The following ANK2 variants were observed in gnomAD, a reference collection of about 807,000 sequenced individuals.
ANK2 encodes ankyrin 2.
ANK2 carries 83 observed loss-of-function variants against 360.5 expected under a neutral mutation model. That is an observed-to-expected ratio of 0.23 (90% CI 0.19 to 0.28). ANK2 has a LOEUF of 0.28. Ranked by LOEUF, ANK2 falls within the 10% of genes least tolerant of loss-of-function variation. The pLI, the probability that ANK2 is intolerant of heterozygous loss-of-function variation, is 1.00. For synonymous variants in ANK2, 1,740 were observed against 1,759.5 expected, an observed-to-expected ratio of 0.99 and a Z score of 0.28; for missense variants, 4,201 against 4,795.7, an observed-to-expected ratio of 0.88 and a Z score of 3.66.
intron 1 of ANK2, among the ~76,000 whole-genome samples, chr4:113,113,983 G>A (rs1423578558): frequency 3.3e-5 from 5 of 152,110 alleles, no homozygotes; most frequent in Non-Finnish European, 5.9e-5. Flanking sequence ...AATCTGCCTA[G>A]CTTTCTTAAA....
At chr4:113,340,848 CAAA>C (rs1224495854) in intron 32 of ANK2, among the ~76,000 whole-genome samples, 1 of 74,156 alleles carries the variant, frequency 1.3e-5, no homozygotes, top group African/African-American at 5.1e-5. Flanking sequence ...GACAACGTCT[CAAA>C]AAAAAAAAAA....
At chr4:112,817,204 A>AT (rs917163893), upstream of ANK2, among the ~76,000 whole-genome samples, 73 of 152,090 alleles carry the variant, frequency 4.8e-4, no homozygotes, top group Middle Eastern at 0.01. Flanking sequence ...ATAAAACCTG[A>AT]TTTTTTTTAC....
intron 20 of ANK2, among the ~76,000 whole-genome samples, chr4:113,289,061 T>G (rs2066200595): frequency 6.6e-6 from 1 of 152,162 alleles, no homozygotes; most frequent in Non-Finnish European, 1.5e-5. Context: ...CATAACACTT[T>G]ACTTCGTGCA....
chr4:113,378,481 C>T (rs1398883622), intron 45 of ANK2, among the ~76,000 whole-genome samples: 1 of 152,186 alleles, frequency 6.6e-6, no homozygotes, highest in African/African-American at 2.4e-5. Context: ...GATGGTATTA[C>T]ATTGTGTCGA....
the ANK2 span, chr4:112,788,992 C>A: frequency 1.8e-6 from 1 of 550,988 alleles, no homozygotes. Context: ...ATTTTTATTT[C>A]CCTCAAAGTG....
chr4:112,791,634 A>G, the ANK2 span, among the ~76,000 whole-genome samples: 1 of 144,224 alleles, frequency 6.9e-6, no homozygotes, highest in Non-Finnish European at 1.5e-5. Context: ...GACTACAGGC[A>G]CCCGCCACCA....
At chr4:113,059,909 T>C (rs1468232596) in intron 1 of ANK2, among the ~76,000 whole-genome samples, 1 of 152,162 alleles carries the variant, frequency 6.6e-6, no homozygotes, top group Non-Finnish European at 1.5e-5. Context: ...GAGCCAGTTA[T>C]CTTCATTTAG....
intron 2 of ANK2, among the ~76,000 whole-genome samples, chr4:113,178,428 C>T (rs539368467): frequency 3.3e-5 from 5 of 151,822 alleles, no homozygotes; most frequent in East Asian, 1.9e-4. Flanking sequence ...AAAAATTAGC[C>T]GGGCGTGGCA....
the ANK2 span, among the ~76,000 whole-genome samples, chr4:112,766,647 T>C: frequency 2.6e-5 from 4 of 152,232 alleles, no homozygotes; most frequent in African/African-American, 9.6e-5. Flanking sequence ...TCAAGGCTTA[T>C]ATCCCTCTAC....
chr4:113,049,645 C>A, upstream of ANK2: 82 of 1,404,674 alleles, frequency 5.8e-5, no homozygotes, highest in East Asian at 2.1e-4. Flanking sequence ...CTCCTGCTTT[C>A]CTCCAGTAAG....
intron 1 of ANK2, among the ~76,000 whole-genome samples, chr4:113,095,986 T>A (rs1178404285): frequency 6.6e-6 from 1 of 152,172 alleles, no homozygotes; most frequent in Non-Finnish European, 1.5e-5. Context: ...TATTGTCTGA[T>A]TAGAACCCTT....
intron 4 of ANK2, 67 bp from the exon 5 acceptor site, chr4:113,232,094 G>A: frequency 1.8e-6 from 2 of 1,137,436 alleles, no homozygotes; most frequent in Non-Finnish European, 2.7e-6. Context: ...TATGTCGAAG[G>A]TTTACTTCCT....
chr4:113,141,483 C>A (rs1249249226), intron 1 of ANK2: 2 of 152,072 alleles, frequency 1.3e-5, no homozygotes, highest in Admixed American at 6.6e-5. Flanking sequence ...GGAAGGGATC[C>A]AACAACCATC....
intron 2 of ANK2, among the ~76,000 whole-genome samples, chr4:112,969,681 G>C (rs2038722045): frequency 6.6e-6 from 1 of 152,148 alleles, no homozygotes; most frequent in African/African-American, 2.4e-5. Flanking sequence ...AAATATTTTA[G>C]GATATCTTGT....
At chr4:112,742,132 A>T in the ANK2 span, among the ~76,000 whole-genome samples, 4 of 152,160 alleles carry the variant, frequency 2.6e-5, no homozygotes, top group Admixed American at 2.0e-4. Context: ...TTAAAAAAAA[A>T]TTAGCTGGGC....
intron 1 of ANK2, among the ~76,000 whole-genome samples, chr4:112,904,141 ATC>A (rs2084404246): frequency 6.6e-6 from 1 of 152,174 alleles, no homozygotes; most frequent in African/African-American, 2.4e-5. Context: ...AGTAAACATA[ATC>A]TCTCAAGATT....
rs549835780 is a variant in ANK2 at position 112,964,706 on chromosome 4, A to G, written c.21+60192A>G. 2.0e-5 allele frequency among the ~76,000 whole-genome samples: 3 copies of G among 151,772 alleles called. No individual in the cohort carries two copies. The East Asian group carries it at 5.8e-4, about 30-fold the overall frequency. Reference sequence around the variant, plus strand: ...TGCCTCAGCCTACCGAGTAGCTGGGACTACAGGCGCCCGCCACCACGCCTG... The same window carrying G: ...TGCCTCAGCCTACCGAGTAGCTGGGGCTACAGGCGCCCGCCACCACGCCTG... On this transcript the variant is annotated intron_variant, in intron 2 of 30. Transcript: ENST00000503271.
rs374623728 is a variant in ANK2, at chr4:113,302,875, A to AT, written c.2548+37dup. Reference sequence around the variant, plus strand: ...TATTCAATCTTCTATGACACCTGTCATGTTCTTACACAAGGGCAAATTACC... The same window carrying AT: ...TATTCAATCTTCTATGACACCTGTCATTGTTCTTACACAAGGGCAAATTACC... On this transcript the variant is annotated intron_variant, in intron 23 of 45. Coordinates refer to ENST00000357077, the MANE Select transcript of ANK2 (RefSeq NM_001148.6). The AT allele has an allele frequency of 5.8e-4, 903 of 1,562,810 alleles. 4 individuals are homozygous for AT. In the African/African-American group the frequency reaches 0.011, roughly 19 times the overall value.
chr4:113,040,803 T>A (rs1161799467), intron 2 of ANK2, among the ~76,000 whole-genome samples: 1 of 152,112 alleles, frequency 6.6e-6, no homozygotes, highest in East Asian at 1.9e-4. Context: ...GTCTTCCCTA[T>A]GCTAACTAAT....
Sources: allele counts gnomAD v4.1 joint callset (sites outside exome capture counted in the v4.1 genomes callset), GRCh38; gene constraint gnomAD v4.1.1; transcripts MANE v1.5; gene names NCBI Gene and HGNC (gene_info 2026-07-23, HGNC 2026-07-21).